The following CFAP300 variants were observed in gnomAD, a reference collection of about 807,000 sequenced individuals.
The protein encoded by CFAP300 is cilia- and flagella-associated protein 300.
Under a neutral mutation model 33.0 loss-of-function variants are expected in CFAP300, and 32 were observed. That is an observed-to-expected ratio of 0.97 (90% CI 0.73 to 1.30). CFAP300 has a LOEUF of 1.30. CFAP300 is among the 50% of genes most tolerant of loss of function. The pLI is 0.00. For synonymous variants in CFAP300, 102 were observed against 106.8 expected, an observed-to-expected ratio of 0.95 and a Z score of 0.28; for missense variants, 356 against 318.1, an observed-to-expected ratio of 1.12 and a Z score of -0.90.
intron 5 of CFAP300, among the ~76,000 whole-genome samples, chr11:102,076,565 A>G (rs1942397972): frequency 1.3e-5 from 2 of 152,192 alleles, no homozygotes; most frequent in South Asian, 2.1e-4. Context: ...AAACCTTACA[A>G]ATTTCTTATT....
At chr11:102,082,507 C>T (rs1310404283) in intron 6 of CFAP300, among the ~76,000 whole-genome samples, 1 of 151,854 alleles carries the variant, frequency 6.6e-6, no homozygotes, top group African/African-American at 2.4e-5. Flanking sequence ...CTATAAATTC[C>T]TTAAAGACAA....
In CFAP300 at chr11:102,058,888, C is replaced by T; in HGVS notation, c.201C>T (p.Phe67=). 1 of 1,574,052 alleles carries T rather than the reference C, an allele frequency of 6.4e-7. No homozygotes were observed. The highest frequency in any genetic ancestry group is 1.2e-5 in the South Asian group (1 of 82,402). Residue 67 remains phenylalanine, a synonymous_variant, in exon 3 of 7, where the codon TTC becomes TTT. Transcript: ENST00000434758. Reference sequence around the variant, plus strand: ...TCAAATTTGTATTTTAGGCTTTTTTCAAAGACCCAAATGTTATTCCCAATT... The same window carrying T: ...TCAAATTTGTATTTTAGGCTTTTTTTAAAGACCCAAATGTTATTCCCAATT... ...YRKDDFVMAF[F]KDPNVIPNLK...
chr11:102,054,437 G>A (rs988823044), intron 2 of CFAP300, among the ~76,000 whole-genome samples: 3 of 151,952 alleles, frequency 2.0e-5, no homozygotes, highest in African/African-American at 4.8e-5. Flanking sequence ...ATGAGAAGTA[G>A]ATAAGAGAAG....
intron 3 of CFAP300, among the ~76,000 whole-genome samples, chr11:102,063,177 C>T (rs115594924): frequency 0.011 from 1,640 of 152,298 alleles, 34 homozygotes; most frequent in African/African-American, 0.038. Context: ...AGGGCTCTAC[C>T]GCCACCAGGG....
chr11:102,065,455 T>C (rs1167038460), intron 3 of CFAP300, among the ~76,000 whole-genome samples: 1 of 151,984 alleles, frequency 6.6e-6, no homozygotes, highest in African/African-American at 2.4e-5. Flanking sequence ...CTCAAGGACT[T>C]TACAAATGCT....
chr11:102,059,281 ATGTGTGTGTGTGTGTGTGTGTG>A (rs55657614), intron 3 of CFAP300, among the ~76,000 whole-genome samples: 62,225 of 148,604 alleles, frequency 0.42, 12,948 homozygotes, highest in African/African-American at 0.47. Context: ...ATATGTTAAA[ATGTGTGTGTGTGTGTGTGTGTG>A]TGTGTGTGTG....
At chr11:102,049,285 C>T (rs1483373158) in intron 2 of CFAP300, among the ~76,000 whole-genome samples, 1 of 152,196 alleles carries the variant, frequency 6.6e-6, no homozygotes, top group Non-Finnish European at 1.5e-5. Flanking sequence ...AGCTGCAGAA[C>T]TTTCTTCTCT....
At chr11:102,055,707 C>G (rs562076634) in intron 2 of CFAP300, among the ~76,000 whole-genome samples, 1 of 131,034 alleles carries the variant, frequency 7.6e-6, no homozygotes, top group South Asian at 2.6e-4. Context: ...GAGTCTCGCT[C>G]TGTCGCCCAG....
intron 4 of CFAP300, among the ~76,000 whole-genome samples, chr11:102,071,617 C>G (rs1942313678): frequency 6.6e-6 from 1 of 152,046 alleles, no homozygotes; most frequent in Non-Finnish European, 1.5e-5. Context: ...TATAGGTCTC[C>G]CTTAACCATT....
intron 2 of CFAP300, among the ~76,000 whole-genome samples, chr11:102,056,379 C>A (rs1165565332): frequency 6.6e-6 from 1 of 152,138 alleles, no homozygotes; most frequent in East Asian, 1.9e-4. Flanking sequence ...AAGATAATAG[C>A]AAATTACTTT....
At chr11:102,059,465 A>G (rs994422818) in intron 3 of CFAP300, among the ~76,000 whole-genome samples, 2 of 152,042 alleles carry the variant, frequency 1.3e-5, no homozygotes, top group Admixed American at 1.3e-4. Context: ...CCTGGCCAGC[A>G]TGGTGAAACC....
At chr11:102,059,994 G>T (rs1942125047) in intron 3 of CFAP300, among the ~76,000 whole-genome samples, 1 of 151,684 alleles carries the variant, frequency 6.6e-6, no homozygotes, top group African/African-American at 2.4e-5. Context: ...TGTTTTTTGA[G>T]ACAGTGTCTC....
In CFAP300 at chr11:102,083,414, A is replaced by C. The variant is rs1024687446; in HGVS notation, c.*215A>C. Reference sequence around the variant, plus strand: ...TTTCATCCATAATAAAATCTATACCAAAAAAGTTGTGGAATTTTTACAGAA... The same window carrying C: ...TTTCATCCATAATAAAATCTATACCCAAAAAGTTGTGGAATTTTTACAGAA... On this transcript the variant is annotated 3_prime_UTR_variant, in exon 7 of 7. Transcript: ENST00000434758. 7.2e-6 allele frequency: 2 copies of C among 278,050 alleles called. No individual in the cohort carries two copies. The highest frequency in any genetic ancestry group is 1.3e-5 in the Non-Finnish European group (2 of 153,000). 17.2% of individuals were successfully genotyped at this position (278,050 alleles called of 1,614,324 possible). A position where few individuals can be genotyped will look rare whatever the true frequency, so the allele number is the denominator to read the frequency against.
At chr11:102,081,183 A>G (rs758604189) in intron 5 of CFAP300, 32 bp from the exon 6 acceptor site, 4 of 1,523,572 alleles carry the variant, frequency 2.6e-6, no homozygotes, top group Non-Finnish European at 3.6e-6. Context: ...TGCCTATTAT[A>G]TGTTAAAAGC....
At chr11:102,080,200 G>T (rs1162795061) in intron 5 of CFAP300, among the ~76,000 whole-genome samples, 1 of 152,004 alleles carries the variant, frequency 6.6e-6, no homozygotes, top group African/African-American at 2.4e-5. Context: ...TAAAGTGTGT[G>T]TATATTTATT....
intron 2 of CFAP300, among the ~76,000 whole-genome samples, chr11:102,051,648 T>G (rs888358035): frequency 2.6e-5 from 4 of 152,182 alleles, no homozygotes; most frequent in Non-Finnish European, 5.9e-5. Flanking sequence ...ATGTAAAAAT[T>G]AAAATAATAA....
At chr11:102,056,918 C>A (rs1281762195) in intron 2 of CFAP300, among the ~76,000 whole-genome samples, 1 of 152,076 alleles carries the variant, frequency 6.6e-6, no homozygotes, top group African/African-American at 2.4e-5. Context: ...AGCCACCGCA[C>A]CTGGCCCTAT....
At chr11:102,076,370 C>A (rs1426054158) in intron 5 of CFAP300, among the ~76,000 whole-genome samples, 1 of 152,188 alleles carries the variant, frequency 6.6e-6, no homozygotes, top group Non-Finnish European at 1.5e-5. Context: ...GAAGGGAACA[C>A]AAGAGATCCC....
chr11:102,051,851 C>G (rs1941977037), intron 2 of CFAP300, among the ~76,000 whole-genome samples: 1 of 152,128 alleles, frequency 6.6e-6, no homozygotes. Flanking sequence ...ACCCAGCCCA[C>G]TTTCACATTT....
Sources: gnomAD v4.1 joint callset for allele counts (sites outside exome capture counted in the v4.1 genomes callset) on GRCh38, gnomAD v4.1.1 for gene constraint, MANE v1.5 for transcripts, NCBI Gene and HGNC (gene_info 2026-07-23, HGNC 2026-07-21) for gene names.